The following ZNF131 variants were observed in gnomAD, a reference collection of about 807,000 sequenced individuals.
ZNF131 encodes the protein zinc finger and BTB domain containing 35, also known as zinc finger protein 131.
ZNF131 carries 7 observed loss-of-function variants against 60.0 expected under a neutral mutation model. That is an observed-to-expected ratio of 0.12 (90% CI 0.07 to 0.22). The LOEUF (loss-of-function observed/expected upper bound fraction) is 0.22. Ranked by LOEUF, ZNF131 falls within the 10% of genes least tolerant of loss-of-function variation. The probability of loss-of-function intolerance (pLI) is 1.00; values close to 1 mark genes in which losing one functional copy is unlikely to be tolerated. For missense variants in ZNF131, 493 were observed against 740.9 expected (o/e 0.67, Z 3.88); for synonymous variants, 257 against 253.2 (o/e 1.01, Z -0.14).
In ZNF131 at chr5:43,172,057, T is replaced by G. The variant is rs141709055; in HGVS notation, c.1055-1261T>G. Among the ~76,000 whole-genome samples, 199 of 152,390 alleles carry G rather than the reference T, an allele frequency of 1.3e-3. 1 individual carries two copies. Among genetic ancestry groups the G allele is most frequent in the African/African-American group, 4.3e-3 (177 of 41,606 alleles). Reference sequence around the variant, plus strand: ...GCCACCATGTTTGGCCTTGTAGGCCTTCTTAAAGGAATTTTGGTAATGACT... The same window carrying G: ...GCCACCATGTTTGGCCTTGTAGGCCGTCTTAAAGGAATTTTGGTAATGACT... On this transcript the variant is annotated intron_variant, in intron 5 of 6. Transcript: ENST00000682664.
At chr5:43,170,713 A>G (rs892205283) in intron 5 of ZNF131, among the ~76,000 whole-genome samples, 9 of 149,872 alleles carry the variant, frequency 6.0e-5, no homozygotes, top group African/African-American at 2.2e-4. Flanking sequence ...GCTCACTGCA[A>G]CCTCCGCCTC....
chr5:43,123,169 G>C (rs1744091505), intron 2 of ZNF131, 40 bp from the exon 3 acceptor site: 1 of 1,501,586 alleles, frequency 6.7e-7, no homozygotes, highest in Admixed American at 2.1e-5. Context: ...TGATTTTCGT[G>C]CTTGTGTATG....
chr5:43,136,543 G>A (rs1019128552), intron 3 of ZNF131, among the ~76,000 whole-genome samples: 1 of 134,618 alleles, frequency 7.4e-6, no homozygotes, highest in African/African-American at 2.8e-5. Context: ...CTGAAGTGCA[G>A]TGGTGTAATC....
intron 4 of ZNF131, among the ~76,000 whole-genome samples, chr5:43,156,433 A>C (rs1748972870): frequency 6.6e-6 from 1 of 152,218 alleles, no homozygotes; most frequent in Non-Finnish European, 1.5e-5. Flanking sequence ...AAAGCACTGA[A>C]GTGAAAGGAG....
At chr5:43,150,734 G>A (rs892571932) in intron 4 of ZNF131, among the ~76,000 whole-genome samples, 2 of 152,114 alleles carry the variant, frequency 1.3e-5, no homozygotes, top group Non-Finnish European at 2.9e-5. Flanking sequence ...CTGAGATCGC[G>A]CCATTGCACT....
chr5:43,149,185 C>T (rs964769897), intron 4 of ZNF131, among the ~76,000 whole-genome samples: 1 of 151,614 alleles, frequency 6.6e-6, no homozygotes, highest in Non-Finnish European at 1.5e-5. Flanking sequence ...GGGGGAGAAT[C>T]GCTTGAACCT....
intron 3 of ZNF131, among the ~76,000 whole-genome samples, chr5:43,132,307 A>T (rs1219608187): frequency 6.6e-6 from 1 of 152,160 alleles, no homozygotes; most frequent in Non-Finnish European, 1.5e-5. Flanking sequence ...CAGTGAGTCC[A>T]GTTATTTTTG....
intron 5 of ZNF131, among the ~76,000 whole-genome samples, chr5:43,166,658 C>T (rs1303745337): frequency 3.3e-5 from 5 of 149,584 alleles, no homozygotes; most frequent in South Asian, 2.1e-4. Flanking sequence ...CATGCCCAGC[C>T]GTGACCCTTT....
chr5:43,149,759 T>C (rs1180292358), intron 4 of ZNF131, among the ~76,000 whole-genome samples: 4 of 152,166 alleles, frequency 2.6e-5, no homozygotes, highest in Non-Finnish European at 4.4e-5. Flanking sequence ...GATTTAAATT[T>C]GCATTTCTCT....
chr5:43,143,571 C>A (rs1747138605), intron 4 of ZNF131: 2 of 353,054 alleles, frequency 5.7e-6, no homozygotes, highest in Non-Finnish European at 5.0e-6. Flanking sequence ...CTTCTGTAAT[C>A]CCTTTCCTGT....
In ZNF131 at chr5:43,163,164, G is replaced by A. The variant is rs190119394; in HGVS notation, c.1054+1233G>A. On this transcript the variant is annotated intron_variant, in intron 5 of 6. Coordinates refer to ENST00000682664, the MANE Select transcript of ZNF131 (RefSeq NM_001330707.2). ...TAATTTTTGTATTTTTAGTAGAGAC[G>A]GGGTTTCACCATATTGGTCAGGCCA... 3.0e-4 allele frequency among the ~76,000 whole-genome samples: 45 copies of A among 151,630 alleles called. No individual in the cohort carries two copies. The East Asian group carries it at 7.9e-3, about 27-fold the overall frequency.
At chr5:43,148,072 GAAAA>G (rs1298164403) in intron 4 of ZNF131, among the ~76,000 whole-genome samples, 2 of 124,148 alleles carry the variant, frequency 1.6e-5, no homozygotes, top group Non-Finnish European at 3.4e-5. Flanking sequence ...CTGGAAAAAA[GAAAA>G]AAGTAGTTTT....
chr5:43,161,020 G>C (rs145703179), intron 4 of ZNF131, among the ~76,000 whole-genome samples: 2 of 152,064 alleles, frequency 1.3e-5, no homozygotes, highest in African/African-American at 4.8e-5. Flanking sequence ...TTGACTAAGC[G>C]TGGGTCTATT....
chr5:43,134,245 T>C (rs1745729376), intron 3 of ZNF131, among the ~76,000 whole-genome samples: 1 of 152,166 alleles, frequency 6.6e-6, no homozygotes, highest in African/African-American at 2.4e-5. Context: ...TAATGTGATA[T>C]ACCATACTAA....
intron 4 of ZNF131, among the ~76,000 whole-genome samples, chr5:43,157,649 A>T (rs1430254621): frequency 6.6e-6 from 1 of 152,214 alleles, no homozygotes; most frequent in East Asian, 1.9e-4. Flanking sequence ...TAAAGCTACT[A>T]CTGTAACAAA....
At chr5:43,121,924 A>AC in intron 1 of ZNF131, 115 bp from the exon 2 acceptor site, 1 of 1,156,652 alleles carries the variant, frequency 8.6e-7, no homozygotes, top group South Asian at 1.7e-5. Context: ...CTCTTGCTTC[A>AC]CCCTCCCCCC....
Position 43,166,562 on chromosome 5 carries a change from G to A in ZNF131, c.1054+4631G>A, listed in dbSNP as rs10473301. 4.3e-3 allele frequency among the ~76,000 whole-genome samples: 655 copies of A among 151,978 alleles called. 3 individuals carry two copies. The highest frequency in any genetic ancestry group is 0.014 in the African/African-American group (575 of 41,440). Reference sequence around the variant, plus strand: ...TTTTTAGTAGAGACAGGGTTTCACCGTGTTGGCCAGGATGGTCTCGATCTC... The same window carrying A: ...TTTTTAGTAGAGACAGGGTTTCACCATGTTGGCCAGGATGGTCTCGATCTC... On this transcript the variant is annotated intron_variant, in intron 5 of 6. Transcript: ENST00000682664.
At chr5:43,146,879 A>G (rs1181175404) in intron 4 of ZNF131, among the ~76,000 whole-genome samples, 1 of 152,064 alleles carries the variant, frequency 6.6e-6, no homozygotes, top group Non-Finnish European at 1.5e-5. Flanking sequence ...GCATTCCAAC[A>G]TGGATGACAG....
rs746264195 is a variant in ZNF131, at chr5:43,174,456, A to T, written c.1195A>T (p.Ser399Cys). The part of the protein sequence containing the change: ...KKLYECQVCN[S>C]VFNSWDQFKD... Reference sequence around the variant, plus strand: ...TTTTTGGTTATTTCAGGTCTGCAACAGTGTGTTTAACAGCTGGGACCAGTT... The same window carrying T: ...TTTTTGGTTATTTCAGGTCTGCAACTGTGTGTTTAACAGCTGGGACCAGTT... Residue 399 changes from serine to cysteine, a missense_variant, in exon 7 of 7, where the codon AGT (serine) becomes TGT (cysteine). By Grantham distance (112) the Ser-to-Cys change is moderately radical. Coordinates refer to ENST00000682664, the MANE Select transcript of ZNF131 (RefSeq NM_001330707.2). 4 of 1,522,822 alleles carry T rather than the reference A, an allele frequency of 2.6e-6. No individual in the cohort carries two copies. In the African/African-American group the frequency reaches 4.2e-5, roughly 16 times the overall value. 94.3% of individuals were successfully genotyped at this position (1,522,822 alleles called of 1,614,324 possible).
Sources: gnomAD v4.1 joint callset for allele counts (sites outside exome capture counted in the v4.1 genomes callset) on GRCh38, gnomAD v4.1.1 for gene constraint, MANE v1.5 for transcripts, NCBI Gene and HGNC (gene_info 2026-07-23, HGNC 2026-07-21) for gene names.